The following VAV1 variants were observed in gnomAD, a reference collection of about 807,000 sequenced individuals.
The protein encoded by VAV1 is vav guanine nucleotide exchange factor 1.
Under a neutral mutation model 128.1 loss-of-function variants are expected in VAV1, and 33 were observed. That is an observed-to-expected ratio of 0.26 (90% CI 0.20 to 0.34). The LOEUF is 0.34. Ranked by LOEUF, VAV1 falls within the 10% of genes least tolerant of loss-of-function variation. The pLI is 1.00. For synonymous variants in VAV1, 394 were observed against 409.8 expected (o/e 0.96, Z 0.47); for missense variants, 715 against 1,093.7 (o/e 0.65, Z 4.88).
chr19:6,798,575 C>T (rs1971192068), intron 1 of VAV1, among the ~76,000 whole-genome samples: 1 of 152,222 alleles, frequency 6.6e-6, no homozygotes, highest in South Asian at 2.1e-4. Context: ...ATCATTTGAA[C>T]CCAGGAAGTC....
chr19:6,802,962 C>G (rs2144733982), intron 1 of VAV1, among the ~76,000 whole-genome samples: 1 of 152,296 alleles, frequency 6.6e-6, no homozygotes, highest in Middle Eastern at 3.4e-3. Flanking sequence ...TATGTCCACA[C>G]AAAAACTTAC....
chr19:6,848,075 A>G lies in VAV1; in HGVS notation c.2090A>G (p.Gln697Arg). The G allele has an allele frequency of 6.4e-7, 1 of 1,554,218 alleles. No individual in the cohort carries two copies. Among genetic ancestry groups the G allele is most frequent in the African/African-American group, 1.4e-5 (1 of 70,356 alleles). Residue 697 changes from glutamine (Q) to arginine (R), a missense_variant, in exon 23 of 27, where the codon CAG becomes CGG. Transcript: ENST00000602142. ...TCGGACGGGACTTTCTTGGTGCGGC[A>G]GAGGGTGAAGGATGCAGCAGAATTT... ...NRSDGTFLVR[Q>R]RVKDAAEFAI...
intron 25 of VAV1, 132 bp from the exon 26 acceptor site, chr19:6,853,815 A>T: frequency 8.8e-7 from 1 of 1,132,502 alleles, no homozygotes; most frequent in East Asian, 2.4e-5. Flanking sequence ...AGTACAGGGC[A>T]TCTAATACTC....
chr19:6,835,081 G>C (rs1406064270), intron 19 of VAV1, among the ~76,000 whole-genome samples: 1 of 151,704 alleles, frequency 6.6e-6, no homozygotes, highest in Non-Finnish European at 1.5e-5. Context: ...TCTATGAATG[G>C]GTATGTTTTC....
At chr19:6,809,593 C>A (rs779560082) in intron 1 of VAV1, among the ~76,000 whole-genome samples, 1 of 151,946 alleles carries the variant, frequency 6.6e-6, no homozygotes, top group Non-Finnish European at 1.5e-5. Flanking sequence ...CAGCAGGGGC[C>A]GTGGTGAGGT....
At chr19:6,845,286 G>A (rs1972492395) in intron 22 of VAV1, among the ~76,000 whole-genome samples, 2 of 152,186 alleles carry the variant, frequency 1.3e-5, no homozygotes, top group Non-Finnish European at 2.9e-5. Context: ...TCAGGAGGCT[G>A]AGGCAGGGGA....
rs1568322731 is a variant in VAV1 at position 6,857,071 on chromosome 19, C to T, written c.2502C>T (p.Ala834=). ...GTTTCCAGGTTGGCTGGTTCCCTGC[C>T]AACTACGTGGAGGAAGATTATTCTG... ...EIYGRVGWFP[A]NYVEEDYSEY... Residue 834 remains alanine (A), a synonymous_variant, in exon 27 of 27, where the codon GCC becomes GCT. Coordinates refer to ENST00000602142, the MANE Select transcript of VAV1 (RefSeq NM_005428.4). The T allele has an allele frequency of 6.2e-7, 1 of 1,614,076 alleles. No homozygotes were observed. The highest frequency in any genetic ancestry group is 1.7e-5 in the Admixed American group (1 of 60,006).
chr19:6,776,630 AT>A, intron 1 of VAV1, among the ~76,000 whole-genome samples: 1 of 151,524 alleles, frequency 6.6e-6, no homozygotes, highest in Admixed American at 6.6e-5. Flanking sequence ...CCACTCATTT[AT>A]CCATCTATCA....
At chr19:6,803,596 C>T (rs550406018) in intron 1 of VAV1, among the ~76,000 whole-genome samples, 2 of 152,192 alleles carry the variant, frequency 1.3e-5, no homozygotes, top group East Asian at 3.9e-4. Flanking sequence ...TGGACTTTTG[C>T]CCTTGTTGTC....
chr19:6,844,829 T>C (rs936071132), intron 22 of VAV1, among the ~76,000 whole-genome samples: 3 of 151,758 alleles, frequency 2.0e-5, no homozygotes, highest in South Asian at 2.1e-4. Context: ...GTCATTAAGG[T>C]CCATCATGTT....
At chr19:6,788,491 G>A (rs567034083) in intron 1 of VAV1, among the ~76,000 whole-genome samples, 2 of 136,754 alleles carry the variant, frequency 1.5e-5, no homozygotes, top group African/African-American at 6.2e-5. Flanking sequence ...TTGTGCCTCA[G>A]CCTCCCTAGT....
chr19:6,816,017 A>ATTT (rs1157742259), intron 1 of VAV1, among the ~76,000 whole-genome samples: 3,451 of 133,708 alleles, frequency 0.026, 70 homozygotes, highest in African/African-American at 0.033. Flanking sequence ...GTCTCTACAA[A>ATTT]TTTTTTTTTT....
intron 25 of VAV1, among the ~76,000 whole-genome samples, chr19:6,853,540 A>G (rs900364040): frequency 2.6e-5 from 4 of 151,754 alleles, no homozygotes; most frequent in Admixed American, 2.6e-4. Context: ...CCTGGCCAAC[A>G]TGGTGAAACT....
chr19:6,807,433 C>A (rs1971418810), intron 1 of VAV1, among the ~76,000 whole-genome samples: 1 of 152,086 alleles, frequency 6.6e-6, no homozygotes, highest in Non-Finnish European at 1.5e-5. Flanking sequence ...TCTAACGCTG[C>A]AGCTGATCTG....
intron 21 of VAV1, among the ~76,000 whole-genome samples, chr19:6,837,886 A>ATT (rs1388060078): frequency 6.6e-6 from 1 of 152,212 alleles, no homozygotes; most frequent in Non-Finnish European, 1.5e-5. Flanking sequence ...AAAATTCAAC[A>ATT]TTGACATTAT....
intron 1 of VAV1, among the ~76,000 whole-genome samples, chr19:6,776,858 A>G (rs1482909756): frequency 6.6e-6 from 1 of 152,060 alleles, no homozygotes; most frequent in Non-Finnish European, 1.5e-5. Context: ...CCTAGGTTCA[A>G]GCAATTCTCC....
chr19:6,820,661 C>G lies in VAV1; in HGVS notation c.205-41C>G. 1 of 1,591,454 alleles carries G rather than the reference C, an allele frequency of 6.3e-7. No individual in the cohort carries two copies. The highest frequency in any genetic ancestry group is 1.1e-5 in the South Asian group (1 of 90,514). Reference sequence around the variant, plus strand: ...CCTGGGGGTCAGTTTCTCCCCTGCCCTTTCGTACTGCCCCACCCTCATTTC... The same window carrying G: ...CCTGGGGGTCAGTTTCTCCCCTGCCGTTTCGTACTGCCCCACCCTCATTTC... On this transcript the variant is annotated intron_variant, in intron 1 of 26. Coordinates refer to ENST00000602142, the MANE Select transcript of VAV1 (RefSeq NM_005428.4). This position sits in a 1 kb window ranked among gnomAD's most constrained non-coding sequence, Gnocchi z 4.4.
At chr19:6,795,647 T>C (rs993064140) in intron 1 of VAV1, among the ~76,000 whole-genome samples, 2 of 152,088 alleles carry the variant, frequency 1.3e-5, no homozygotes, top group Non-Finnish European at 2.9e-5. Flanking sequence ...CTGGTCCTGC[T>C]GGTTTTGGGG....
chr19:6,791,868 C>T (rs2546127), intron 1 of VAV1, among the ~76,000 whole-genome samples: 30,776 of 151,938 alleles, frequency 0.2, 3,406 homozygotes, highest in African/African-American at 0.29. Flanking sequence ...AGGGCAAAGA[C>T]TGTGCAAATG....
Sources: gnomAD v4.1 joint callset for allele counts (sites outside exome capture counted in the v4.1 genomes callset) on GRCh38, gnomAD v4.1.1 for gene constraint, Gnocchi (gnomAD v3.1) non-coding constraint, MANE v1.5 for transcripts, NCBI Gene and HGNC (gene_info 2026-07-23, HGNC 2026-07-21) for gene names.